The following DYTN variants were observed in gnomAD, a reference collection of about 807,000 sequenced individuals.
DYTN encodes dystrotelin.
Under a neutral mutation model 69.6 loss-of-function variants are expected in DYTN, and 75 were observed. The observed-to-expected ratio is 1.08, with a 90% CI of 0.89 to 1.31. The LOEUF (loss-of-function observed/expected upper bound fraction) is 1.31, where lower values mean the gene tolerates loss of function less well. Ranked by LOEUF, DYTN falls within the 50% of genes most tolerant of loss-of-function variation. DYTN has a pLI of 0.00. For synonymous variants in DYTN, 252 were observed against 249.1 expected (o/e 1.01, Z -0.11); for missense variants, 726 against 688.4 (o/e 1.05, Z -0.61).
chr2:206,667,697 CGT>C (rs71410894), intron 9 of DYTN, among the ~76,000 whole-genome samples: 14,683 of 143,558 alleles, frequency 0.1, 854 homozygotes, highest in African/African-American at 0.17. Context: ...TTTGCGTGTG[CGT>C]GTGTGTGTGT....
chr2:206,693,543 C>T lies in DYTN; in HGVS notation c.832-220G>A, dbSNP rs1290842746. On this transcript the variant is annotated intron_variant, in intron 8 of 11. Coordinates refer to ENST00000452335, the MANE Select transcript of DYTN (RefSeq NM_001093730.1). The stretch of plus-strand genomic sequence containing the variant: ...AACACCCCAAACCCCCTCAATAAGT[C>T]CTCTTCCTTAGAGTAACCCCGTCAT... Among the ~76,000 whole-genome samples, 5 of 152,138 alleles carry T rather than the reference C, an allele frequency of 3.3e-5. 1 individual carries two copies. Among genetic ancestry groups the T allele is most frequent in the African/African-American group, 4.8e-5 (2 of 41,416 alleles).
At chr2:206,655,495 G>C (rs1285935222) in intron 11 of DYTN, among the ~76,000 whole-genome samples, 1 of 152,004 alleles carries the variant, frequency 6.6e-6, no homozygotes, top group Non-Finnish European at 1.5e-5. Flanking sequence ...CCGAAGCCTT[G>C]ATCTTCCAGG....
chr2:206,667,280 C>T (rs982870392), intron 9 of DYTN, among the ~76,000 whole-genome samples: 4 of 152,150 alleles, frequency 2.6e-5, no homozygotes, highest in Admixed American at 6.6e-5. Context: ...TGGAGCTCCT[C>T]GCTCCTCTTT....
intron 9 of DYTN, among the ~76,000 whole-genome samples, chr2:206,668,399 T>A (rs1465943739): frequency 6.6e-6 from 1 of 152,242 alleles, no homozygotes; most frequent in Non-Finnish European, 1.5e-5. Context: ...GAGATGCTTA[T>A]GGGTTGTTTC....
chr2:206,676,093 A>T (rs1461055668), intron 9 of DYTN, among the ~76,000 whole-genome samples: 1 of 152,212 alleles, frequency 6.6e-6, no homozygotes, highest in Admixed American at 6.5e-5. Context: ...AACCCAAAGG[A>T]TTATAAATCA....
At chr2:206,691,989 A>T (rs1227908530) in intron 9 of DYTN, among the ~76,000 whole-genome samples, 1 of 152,164 alleles carries the variant, frequency 6.6e-6, no homozygotes, top group African/African-American at 2.4e-5. Context: ...CTCAAAAGTG[A>T]TGAGGCTGGG....
chr2:206,669,717 T>TA (rs1438577324), intron 9 of DYTN, among the ~76,000 whole-genome samples: 1 of 152,236 alleles, frequency 6.6e-6, no homozygotes, highest in Non-Finnish European at 1.5e-5. Flanking sequence ...TTTACTGCTT[T>TA]AAAAATGTTT....
Position 206,663,146 on chromosome 2 carries a change from T to C in DYTN, c.1390A>G (p.Arg464Gly). The C allele has an allele frequency of 1.2e-6, 2 of 1,613,990 alleles. No homozygotes were observed. The highest frequency in any genetic ancestry group is 1.7e-6 in the Non-Finnish European group (2 of 1,179,894). Residue 464 changes from arginine (R) to glycine (G), a missense_variant, in exon 11 of 12, where the codon AGG becomes GGG. By Grantham distance (125) the Arg-to-Gly change is moderately radical. Coordinates refer to ENST00000452335, the MANE Select transcript of DYTN (RefSeq NM_001093730.1). ...ESPETTLHST[R>G]AQSQTQKMPQ... The stretch of plus-strand genomic sequence containing the variant: ...ATCTTTTGTGTTTGGCTTTGTGCCC[T>C]GGTGCTGTGCAAAGTGGTCTCTGGT...
intron 5 of DYTN, among the ~76,000 whole-genome samples, chr2:206,702,022 C>T (rs975639372): frequency 6.6e-5 from 10 of 152,322 alleles, no homozygotes; most frequent in Admixed American, 5.9e-4. Flanking sequence ...GGGTCTCACT[C>T]CAGGACTCTT....
rs1559319905 is a variant in DYTN, at chr2:206,713,738, A to G, written c.20-3140T>C. Among the ~76,000 whole-genome samples the G allele has an allele frequency of 4.6e-5, 7 of 152,224 alleles. No homozygotes were observed. In the South Asian group the frequency reaches 1.5e-3, roughly 32 times the overall value. On this transcript the variant is annotated intron_variant, in intron 1 of 11. Coordinates refer to ENST00000452335, the MANE Select transcript of DYTN (RefSeq NM_001093730.1). ...AGTGTTTCCGGTGATAACAAATTCCAATTAGAGTTTACACCCAGAAACGCT... is the reference window on the plus strand; with the variant it reads ...AGTGTTTCCGGTGATAACAAATTCCGATTAGAGTTTACACCCAGAAACGCT...
At chr2:206,697,975 T>C (rs900024004) in intron 7 of DYTN, among the ~76,000 whole-genome samples, 3 of 152,140 alleles carry the variant, frequency 2.0e-5, no homozygotes, top group Non-Finnish European at 2.9e-5. Flanking sequence ...TGAAAACATA[T>C]TTCAATGTAA....
At chr2:206,689,343 A>G (rs115490723) in intron 9 of DYTN, among the ~76,000 whole-genome samples, 9,038 of 152,284 alleles carry the variant, frequency 0.059, 375 homozygotes, top group Non-Finnish European at 0.079. Context: ...GTGCCAACAT[A>G]ATAGATATCA....
chr2:206,715,586 A>G (rs77659468), intron 1 of DYTN, among the ~76,000 whole-genome samples: 36,411 of 152,000 alleles, frequency 0.24, 4,634 homozygotes, highest in African/African-American at 0.32. Flanking sequence ...GGGTGAGGTG[A>G]GGGAGAATGT....
At chr2:206,676,639 G>A (rs962131396) in intron 9 of DYTN, among the ~76,000 whole-genome samples, 4 of 152,212 alleles carry the variant, frequency 2.6e-5, no homozygotes, top group South Asian at 2.1e-4. Context: ...ATGAAAAGGG[G>A]GAAAATGGTT....
chr2:206,666,860 TACACACAC>T (rs35200393), intron 9 of DYTN, among the ~76,000 whole-genome samples: 27 of 137,514 alleles, frequency 2.0e-4, no homozygotes, highest in East Asian at 2.4e-4. Flanking sequence ...ACCTCATCTC[TACACACAC>T]ACACACACAC....
At chr2:206,695,000 A>C (rs879337854) in intron 7 of DYTN, 123 bp from the exon 8 acceptor site, 2 of 631,082 alleles carry the variant, frequency 3.2e-6, no homozygotes, top group African/African-American at 1.8e-5. Context: ...CTGCCAAATC[A>C]GTGTAAAGTT....
Position 206,670,311 on chromosome 2 carries a change from A to G in DYTN, c.981-4282T>C, listed in dbSNP as rs111382177. ...ATTTTTGTTATGCTTAACTACTCAA[A>G]TACAGTCAAAGCTCCCTTTAACCTT... On this transcript the variant is annotated intron_variant, in intron 9 of 11. Coordinates refer to ENST00000452335, the MANE Select transcript of DYTN (RefSeq NM_001093730.1). Among the ~76,000 whole-genome samples, 28 of 152,326 alleles carry G rather than the reference A, an allele frequency of 1.8e-4. 2 individuals carry two copies. Among genetic ancestry groups the G allele is most frequent in the African/African-American group, 5.3e-4 (22 of 41,578 alleles).
intron 2 of DYTN, among the ~76,000 whole-genome samples, chr2:206,708,187 T>A (rs1211659732): frequency 2.6e-5 from 4 of 152,318 alleles, no homozygotes; most frequent in Non-Finnish European, 2.9e-5. Context: ...ACTGAATATT[T>A]TTTAACCACC....
chr2:206,717,220 T>C (rs1700138508), intron 1 of DYTN, among the ~76,000 whole-genome samples: 1 of 152,232 alleles, frequency 6.6e-6, no homozygotes, highest in Admixed American at 6.5e-5. Flanking sequence ...GAAATATCTT[T>C]TGACCAGGAT....
Sources: allele counts gnomAD v4.1 joint callset (sites outside exome capture counted in the v4.1 genomes callset), GRCh38; gene constraint gnomAD v4.1.1; transcripts MANE v1.5; gene names NCBI Gene and HGNC (gene_info 2026-07-23, HGNC 2026-07-21).